PILRA: variants seen among roughly 807,000 people sequenced by gnomAD.
The protein encoded by PILRA is paired immunoglobin like type 2 receptor alpha, also known as paired immunoglobulin-like type 2 receptor alpha.
PILRA carries 37 observed loss-of-function variants against 33.1 expected under a neutral mutation model. That is an observed-to-expected ratio of 1.12 (90% CI 0.86 to 1.47). The LOEUF is 1.47. PILRA is among the 40% of genes most tolerant of loss of function. The pLI is 0.00. For synonymous variants in PILRA, 146 were observed against 149.9 expected, an observed-to-expected ratio of 0.97 and a Z score of 0.19; for missense variants, 312 against 376.2, an observed-to-expected ratio of 0.83 and a Z score of 1.41.
chr7:100,390,071 G>A lies in PILRA; in HGVS notation c.638G>A (p.Gly213Glu), dbSNP rs761613600. The A allele has an allele frequency of 3.7e-6, 6 of 1,613,936 alleles. No individual in the cohort carries two copies. The highest frequency in any genetic ancestry group is 1.1e-5 in the South Asian group (1 of 91,074). The change falls in exon 3 of 7, where the codon GGA becomes GAA. Residue 213 changes from glycine to glutamate, a missense_variant. Gly to Glu is a moderately conservative substitution (Grantham distance 98, BLOSUM62 -2). Coordinates refer to ENST00000198536, the MANE Select transcript of PILRA (RefSeq NM_013439.3). Reference sequence around the variant, plus strand: ...ACTGTGCTCGGAATCATGATTTTGGGACTGATCTGCCTCCTCAGGTGGAGG... The same window carrying A: ...ACTGTGCTCGGAATCATGATTTTGGAACTGATCTGCCTCCTCAGGTGGAGG... ...AVTVLGIMIL[G>E]LICLLRWRRR... is the part of the protein sequence containing the mutation.
intron 2 of PILRA, among the ~76,000 whole-genome samples, chr7:100,377,365 C>T (rs1316324215): frequency 6.6e-6 from 1 of 151,050 alleles, no homozygotes; most frequent in Non-Finnish European, 1.5e-5. Context: ...CTCAGCCTCC[C>T]GAGTAGCTGG....
intron 2 of PILRA, among the ~76,000 whole-genome samples, chr7:100,379,433 C>T (rs1281901008): frequency 1.3e-5 from 2 of 151,724 alleles, no homozygotes; most frequent in Non-Finnish European, 2.9e-5. Context: ...TTTGGGAGGC[C>T]GAGGAGGGTA....
intron 2 of PILRA, among the ~76,000 whole-genome samples, chr7:100,386,467 G>A (rs944370255): frequency 1.3e-5 from 2 of 151,848 alleles, no homozygotes; most frequent in Non-Finnish European, 2.9e-5. Flanking sequence ...TTGTACCACT[G>A]CACTTTGTTG....
At chr7:100,391,602 G>C (rs1448800459) in intron 3 of PILRA, among the ~76,000 whole-genome samples, 1 of 152,214 alleles carries the variant, frequency 6.6e-6, no homozygotes. Flanking sequence ...TGAGAAGACT[G>C]CTTGAGCCTG....
chr7:100,382,109 A>G (rs953897080), intron 2 of PILRA, among the ~76,000 whole-genome samples: 6 of 151,736 alleles, frequency 4.0e-5, no homozygotes, highest in Non-Finnish European at 5.9e-5. Context: ...CCAAGGGCCG[A>G]GGAGTGCGGG....
Position 100,374,164 on chromosome 7 carries a change from C to T in PILRA, c.185C>T (p.Ala62Val), listed in dbSNP as rs756687252. Reference protein sequence around the residue: ...PFSFYYPWELATAPDVRISWR... With the variant: ...PFSFYYPWELVTAPDVRISWR... The stretch of plus-strand genomic sequence containing the variant: ...TCCTTCTATTACCCCTGGGAGTTAG[C>T]CACAGCTCCCGACGTGAGAATATCC... Residue 62 changes from alanine (A) to valine (V), a missense_variant, in exon 2 of 7, where the codon GCC becomes GTC. Coordinates refer to ENST00000198536, the MANE Select transcript of PILRA (RefSeq NM_013439.3). 1.2e-5 allele frequency: 20 copies of T among 1,614,140 alleles called. No individual in the cohort carries two copies. The South Asian group carries it at 2.0e-4, about 16-fold the overall frequency.
intron 2 of PILRA, among the ~76,000 whole-genome samples, chr7:100,388,901 T>G (rs1006657398): frequency 6.6e-6 from 1 of 152,016 alleles, no homozygotes; most frequent in Admixed American, 6.6e-5. Flanking sequence ...GTTTAACACG[T>G]GAAATGTTTC....
In PILRA at chr7:100,373,582, C is replaced by T. The variant is rs1338250064; in HGVS notation, c.-75C>T. Reference sequence around the variant, plus strand: ...CTCCTCACTCACCTCAACCCCCAGGCGGCCCCTCCACAGGGCCCCTCTCCT... The same window carrying T: ...CTCCTCACTCACCTCAACCCCCAGGTGGCCCCTCCACAGGGCCCCTCTCCT... On this transcript the variant is annotated 5_prime_UTR_variant, in exon 1 of 7. Transcript: ENST00000198536. 2.8e-5 allele frequency: 43 copies of T among 1,533,522 alleles called. No homozygotes were observed. The highest frequency in any genetic ancestry group is 3.7e-5 in the Non-Finnish European group (41 of 1,111,462). The allele number at this position is 1,533,522 out of a possible 1,614,324, so 95.0% of individuals were successfully genotyped here.
At chr7:100,382,152 T>G (rs1791119861) in intron 2 of PILRA, among the ~76,000 whole-genome samples, 1 of 152,224 alleles carries the variant, frequency 6.6e-6, no homozygotes, top group Non-Finnish European at 1.5e-5. Flanking sequence ...CAGCTCTACC[T>G]GCTGCCTGGT....
intron 3 of PILRA, among the ~76,000 whole-genome samples, chr7:100,390,633 AG>A (rs1424854425): frequency 6.6e-6 from 1 of 152,228 alleles, no homozygotes; most frequent in Admixed American, 6.5e-5. Flanking sequence ...GCACTTAATA[AG>A]GGTGGGAAGA....
chr7:100,393,162 C>G (rs1015202482), intron 3 of PILRA, among the ~76,000 whole-genome samples: 1 of 152,052 alleles, frequency 6.6e-6, no homozygotes, highest in Non-Finnish European at 1.5e-5. Flanking sequence ...CCCCTGTAAT[C>G]CCAGCTACTT....
chr7:100,397,169 C>G (rs1344974763), intron 3 of PILRA, among the ~76,000 whole-genome samples: 2 of 144,086 alleles, frequency 1.4e-5, no homozygotes, highest in Non-Finnish European at 3.0e-5. Context: ...AGGGGAGGTC[C>G]CTGGAGTTGA....
At chr7:100,397,307 C>T (rs1287152897) in intron 3 of PILRA, among the ~76,000 whole-genome samples, 1 of 151,688 alleles carries the variant, frequency 6.6e-6, no homozygotes, top group Admixed American at 6.6e-5. Context: ...TGCAAGGATG[C>T]CACGGGGATG....
chr7:100,374,679 C>T (rs2130156455), intron 2 of PILRA: 1 of 566,244 alleles, frequency 1.8e-6, no homozygotes, highest in South Asian at 2.0e-5. Flanking sequence ...CCCGCCCCCA[C>T]TCCTCAGGCC....
intron 3 of PILRA, among the ~76,000 whole-genome samples, chr7:100,397,026 A>G (rs1791509582): frequency 6.6e-6 from 1 of 151,760 alleles, no homozygotes; most frequent in Non-Finnish European, 1.5e-5. Flanking sequence ...CATAACCTAA[A>G]GAGAGGGAAA....
At chr7:100,391,177 TAA>T (rs1791382896) in intron 3 of PILRA, among the ~76,000 whole-genome samples, 5 of 142,150 alleles carry the variant, frequency 3.5e-5, no homozygotes, top group Non-Finnish European at 6.0e-5. Context: ...ATAATAATAA[TAA>T]TAATAATTAT....
upstream of PILRA, among the ~76,000 whole-genome samples, chr7:100,371,770 C>A (rs1027538550): frequency 1.3e-5 from 2 of 152,240 alleles, no homozygotes; most frequent in African/African-American, 4.8e-5. Flanking sequence ...GTCCCAGGTT[C>A]TGTCACTGCT....
chr7:100,373,702 C>T lies in PILRA; in HGVS notation c.46C>T (p.Pro16Ser), dbSNP rs769131778. The change falls in exon 1 of 7, where the codon CCA becomes TCA. Residue 16 changes from proline (P) to serine (S), a missense_variant. Transcript: ENST00000198536. ...LLPLLPLLLP[P>S]AFLQPSGSTG... ...GCCCCTACTGCCCTTGCTGCTGCCG[C>T]CAGCATTTCTGCAGCCTAGTGAGTA... 4 of 1,613,274 alleles carry T rather than the reference C, an allele frequency of 2.5e-6. No individual in the cohort carries two copies. The South Asian group carries it at 4.4e-5, about 18-fold the overall frequency.
chr7:100,376,486 T>TG (rs1212698038), intron 2 of PILRA: 5 of 150,364 alleles, frequency 3.3e-5, no homozygotes, highest in Admixed American at 6.6e-5. Context: ...AAAAGTGTTT[T>TG]TTTTTTTTTT....
Sources: allele counts gnomAD v4.1 joint callset (sites outside exome capture counted in the v4.1 genomes callset), GRCh38; gene constraint gnomAD v4.1.1; transcripts MANE v1.5; gene names NCBI Gene and HGNC (gene_info 2026-07-23, HGNC 2026-07-21).